The following HLCS variants were observed in gnomAD, a reference collection of about 807,000 sequenced individuals.
HLCS encodes the protein biotin--protein ligase.
Under a neutral mutation model 75.0 loss-of-function variants are expected in HLCS, and 53 were observed. The observed-to-expected ratio is 0.71, with a 90% confidence interval of 0.57 to 0.89. HLCS has a LOEUF of 0.89. Among genes scored for constraint, HLCS ranks in the 40% least tolerant of loss-of-function variants. The pLI, the probability that HLCS is intolerant of heterozygous loss-of-function variation, is 0.00. For missense variants in HLCS, 966 were observed against 1,074.0 expected (o/e 0.90, Z 1.41); for synonymous variants, 431 against 428.6 (o/e 1.01, Z -0.07).
chr21:36,910,282 T>C (rs563902009), intron 5 of HLCS, among the ~76,000 whole-genome samples: 2 of 152,326 alleles, frequency 1.3e-5, no homozygotes, highest in East Asian at 3.9e-4. Context: ...CAGTGGCTAA[T>C]GCCTGTAATC....
At chr21:36,853,092 T>C (rs991156315) in intron 6 of HLCS, among the ~76,000 whole-genome samples, 5 of 152,156 alleles carry the variant, frequency 3.3e-5, no homozygotes, top group African/African-American at 1.2e-4. Flanking sequence ...TCATGATGAA[T>C]AGGATTGAAA....
intron 6 of HLCS, among the ~76,000 whole-genome samples, chr21:36,831,348 A>G (rs565505850): frequency 4.6e-5 from 7 of 152,300 alleles, no homozygotes; most frequent in South Asian, 2.1e-4. Context: ...GAGGGTAGCC[A>G]AAGGGAAGGA....
intron 6 of HLCS, among the ~76,000 whole-genome samples, chr21:36,860,866 T>C (rs546655105): frequency 3.9e-5 from 6 of 152,256 alleles, no homozygotes; most frequent in Non-Finnish European, 2.9e-5. Context: ...GAGGCACTTA[T>C]CTACTTTAAC....
chr21:36,962,074 G>T lies in HLCS; in HGVS notation c.292C>A (p.Gln98Lys). The T allele has an allele frequency of 7.8e-7, 1 of 1,288,998 alleles. No individual in the cohort carries two copies. The highest frequency in any genetic ancestry group is 1.0e-6 in the Non-Finnish European group (1 of 988,586). 79.8% of individuals were successfully genotyped at this position (1,288,998 alleles called of 1,614,324 possible). ...GATGATCTCTGTAAATTCTCACTTTGTACCCAAATGCTCTCCGTCACAAAT... is the reference window on the plus strand; with the variant it reads ...GATGATCTCTGTAAATTCTCACTTTTTACCCAAATGCTCTCCGTCACAAAT... ...IAFVTESIWV[Q>K]SENLQRSSSS... is the part of the protein sequence containing the mutation. The change falls in exon 2 of 11, where the codon CAA becomes AAA. Residue 98 changes from glutamine (Q) to lysine (K), a missense_variant. By Grantham distance (53) the Gln-to-Lys change is moderately conservative. Coordinates refer to ENST00000674895, the MANE Select transcript of HLCS (RefSeq NM_001352514.2).
At chr21:36,830,062 G>A (rs1363277483) in intron 6 of HLCS, among the ~76,000 whole-genome samples, 3 of 152,190 alleles carry the variant, frequency 2.0e-5, no homozygotes, top group Non-Finnish European at 2.9e-5. Flanking sequence ...TCCTAATCCA[G>A]TATGACTCGT....
At chr21:36,844,333 A>G (rs2062721685) in intron 6 of HLCS, among the ~76,000 whole-genome samples, 1 of 152,054 alleles carries the variant, frequency 6.6e-6, no homozygotes, top group Non-Finnish European at 1.5e-5. Flanking sequence ...TGTTAATAAT[A>G]GGGGGAAACG....
chr21:36,765,273 T>C lies in HLCS; in HGVS notation c.1961-101A>G, dbSNP rs867303646. On this transcript the variant is annotated intron_variant, in intron 7 of 10. Coordinates refer to ENST00000674895, the MANE Select transcript of HLCS (RefSeq NM_001352514.2). ...ACACACTCAAATAAATCTGAACTTA[T>C]TACAATGCTTATTGTATTACAACGC... The C allele has an allele frequency of 6.0e-5, 63 of 1,051,958 alleles. No individual in the cohort carries two copies. In the African/African-American group the frequency reaches 7.7e-4, roughly 13 times the overall value. The allele number at this position is 1,051,958 out of a possible 1,614,324, so 65.2% of individuals were successfully genotyped here.
intron 6 of HLCS, among the ~76,000 whole-genome samples, chr21:36,770,393 T>C (rs949004663): frequency 1.3e-5 from 2 of 152,086 alleles, no homozygotes; most frequent in Non-Finnish European, 2.9e-5. Flanking sequence ...GCGATCCTCC[T>C]GCTTCAGCCT....
intron 8 of HLCS, among the ~76,000 whole-genome samples, chr21:36,762,844 C>T (rs1237555840): frequency 6.6e-6 from 1 of 152,110 alleles, no homozygotes; most frequent in Admixed American, 6.5e-5. Context: ...AGCCTCTGAG[C>T]ACAGCAGGCC....
At chr21:36,815,461 G>A (rs2061635473) in intron 6 of HLCS, among the ~76,000 whole-genome samples, 1 of 152,142 alleles carries the variant, frequency 6.6e-6, no homozygotes, top group Non-Finnish European at 1.5e-5. Flanking sequence ...AGCAACAATA[G>A]CAACAACAAA....
chr21:36,910,702 T>C (rs1213213495), intron 5 of HLCS, among the ~76,000 whole-genome samples: 1 of 152,184 alleles, frequency 6.6e-6, no homozygotes, highest in Non-Finnish European at 1.5e-5. Context: ...GCGAAATGCC[T>C]GTCTGGGTGT....
intron 2 of HLCS, among the ~76,000 whole-genome samples, chr21:36,946,565 TAGTAGCTCATTTCTCTTCTCAGAGTG>T (rs1285007770): frequency 1.3e-5 from 2 of 152,012 alleles, no homozygotes; most frequent in Admixed American, 1.3e-4. Context: ...TCTTATTCCT[TAGTAGCTCATTTCTCTTCTCAGAGTG>T]AACGTGAATT....
At chr21:36,767,394 T>C (rs1254250277) in intron 6 of HLCS, 109 bp from the exon 7 acceptor site, 2 of 1,059,750 alleles carry the variant, frequency 1.9e-6, no homozygotes, top group Admixed American at 1.7e-5. Flanking sequence ...TGTGTGGCCA[T>C]GGAAGGGCCA....
chr21:36,870,939 G>GGCTCTTTTGA (rs1251480999), intron 6 of HLCS, among the ~76,000 whole-genome samples: 2 of 152,124 alleles, frequency 1.3e-5, no homozygotes, highest in African/African-American at 4.8e-5. Context: ...GCCTTAGAGA[G>GGCTCTTTTGA]GCTCTTTTGA....
chr21:36,788,655 T>C (rs1405385635), intron 6 of HLCS, among the ~76,000 whole-genome samples: 4 of 152,208 alleles, frequency 2.6e-5, no homozygotes, highest in Non-Finnish European at 4.4e-5. Context: ...GAGGTTTATG[T>C]ACTGCATTAC....
intron 8 of HLCS, among the ~76,000 whole-genome samples, chr21:36,761,944 G>T (rs554019347): frequency 1.3e-5 from 2 of 152,198 alleles, no homozygotes; most frequent in Admixed American, 6.5e-5. Flanking sequence ...GCTCCAGCTC[G>T]CCTTCATGGC....
At chr21:36,850,265 AAATGTTCTCTACT>A (rs2062945717) in intron 6 of HLCS, among the ~76,000 whole-genome samples, 1 of 152,220 alleles carries the variant, frequency 6.6e-6, no homozygotes, top group Non-Finnish European at 1.5e-5. Context: ...TGTTCTCTAC[AAATGTTCTCTACT>A]AAAGAAGGGA....
At chr21:36,760,559 G>A (rs1159807675) in intron 8 of HLCS, among the ~76,000 whole-genome samples, 2 of 150,952 alleles carry the variant, frequency 1.3e-5, no homozygotes, top group Admixed American at 6.6e-5. Context: ...GCAGCGAGCC[G>A]AGATCGTGCC....
chr21:36,856,900 C>T (rs1286631876), intron 6 of HLCS, among the ~76,000 whole-genome samples: 1 of 152,146 alleles, frequency 6.6e-6, no homozygotes, highest in African/African-American at 2.4e-5. Context: ...GACATACATA[C>T]AAGGTAATTT....
Sources: gnomAD v4.1 joint callset for allele counts (sites outside exome capture counted in the v4.1 genomes callset) on GRCh38, gnomAD v4.1.1 for gene constraint, MANE v1.5 for transcripts, NCBI Gene and HGNC (gene_info 2026-07-23, HGNC 2026-07-21) for gene names.